The following MEIOC variants were observed in gnomAD, a reference collection of about 807,000 sequenced individuals.
MEIOC encodes the protein meiosis-specific coiled-coil domain-containing protein MEIOC.
Under a neutral mutation model 85.3 loss-of-function variants are expected in MEIOC, and 9 were observed. The observed-to-expected ratio is 0.11, with a 90% CI of 0.06 to 0.18. The LOEUF (loss-of-function observed/expected upper bound fraction) is 0.18, where lower values mean the gene tolerates loss of function less well. Ranked by LOEUF, MEIOC falls within the 10% of genes least tolerant of loss-of-function variation. The pLI, the probability that MEIOC is intolerant of heterozygous loss-of-function variation, is 1.00. For missense variants in MEIOC, 898 were observed against 1,129.4 expected, an observed-to-expected ratio of 0.80 and a Z score of 2.94; for synonymous variants, 365 against 393.7, an observed-to-expected ratio of 0.93 and a Z score of 0.86.
intron 3 of MEIOC, among the ~76,000 whole-genome samples, chr17:44,664,885 G>C (rs936713264): frequency 1.3e-5 from 2 of 152,176 alleles, no homozygotes; most frequent in African/African-American, 4.8e-5. Context: ...TGGTGTCTAG[G>C]ATGACCATAT....
At chr17:44,666,354 T>A (rs1177284108) in intron 4 of MEIOC, 22 bp from the exon 5 acceptor site, 6 of 1,503,400 alleles carry the variant, frequency 4.0e-6, no homozygotes, top group Admixed American at 2.5e-5. Context: ...AAGTTGTAAT[T>A]AAATATATTT....
intron 6 of MEIOC, chr17:44,670,774 AGCAATCC>A (rs747605132): frequency 0.37 from 55,887 of 151,290 alleles, 12,743 homozygotes; most frequent in East Asian, 0.56. Flanking sequence ...CCTGAGCTCA[AGCAATCC>A]ACCTGCCTCA....
intron 1 of MEIOC, 98 bp from the exon 2 acceptor site, chr17:44,657,029 G>T: frequency 1.4e-6 from 2 of 1,383,122 alleles, no homozygotes; most frequent in South Asian, 1.4e-5. Flanking sequence ...GTTCGGAATT[G>T]AGCCGAACAG....
intron 6 of MEIOC, among the ~76,000 whole-genome samples, chr17:44,672,047 C>T (rs1438572895): frequency 6.6e-6 from 1 of 152,098 alleles, no homozygotes; most frequent in African/African-American, 2.4e-5. Flanking sequence ...CTGACAAGAT[C>T]TTGGCTCACT....
Position 44,667,918 on chromosome 17 carries a change from T to C in MEIOC, c.2007T>C (p.Tyr669=), listed in dbSNP as rs1971933780. ...AAGTGTCATGCTTTTCTAATAATTA[T>C]ATGATGGGAGATTTAAGGCATAATC... ...RTQVSCFSNN[Y]MMGDLRHNQC... Residue 669 remains tyrosine, a synonymous_variant, in exon 5 of 8, where the codon TAT becomes TAC. Transcript: ENST00000409122. 5 of 1,613,760 alleles carry C rather than the reference T, an allele frequency of 3.1e-6. No individual in the cohort carries two copies. Among genetic ancestry groups the C allele is most frequent in the South Asian group, 2.2e-5 (2 of 91,054 alleles).
At chr17:44,677,010 G>A (rs1387800229), downstream of MEIOC, 31 of 932,818 alleles carry the variant, frequency 3.3e-5, no homozygotes, top group Non-Finnish European at 3.6e-5. Flanking sequence ...AGAAAGAACT[G>A]ACTACTAACA....
chr17:44,674,300 T>C lies in MEIOC; in HGVS notation c.*104T>C, dbSNP rs1273669974. On this transcript the variant is annotated 3_prime_UTR_variant, in exon 8 of 8. Coordinates refer to ENST00000409122, the MANE Select transcript of MEIOC (RefSeq NM_001145080.3). ...AACTTTCAGTATGTTTTCTTTCAGA[T>C]TTAAAGTTAATACCAGTACCTTAAT... 1 of 1,445,450 alleles carries C rather than the reference T, an allele frequency of 6.9e-7. No homozygotes were observed. The highest frequency in any genetic ancestry group is 1.4e-5 in the African/African-American group (1 of 70,016). 89.5% of individuals were successfully genotyped at this position (1,445,450 alleles called of 1,614,324 possible). A position where few individuals can be genotyped will look rare whatever the true frequency, so the allele number is the denominator to read the frequency against.
At chr17:44,663,483 C>A (rs1357286607) in intron 3 of MEIOC, among the ~76,000 whole-genome samples, 2 of 152,044 alleles carry the variant, frequency 1.3e-5, no homozygotes, top group Non-Finnish European at 2.9e-5. Context: ...TTGGCAAATT[C>A]TCTAAAATAA....
chr17:44,660,722 A>G lies in MEIOC; in HGVS notation c.205-1595A>G, dbSNP rs546412989. Among the ~76,000 whole-genome samples the G allele has an allele frequency of 2.0e-5, 3 of 152,058 alleles. No individual in the cohort carries two copies. The East Asian group carries it at 5.8e-4, about 29-fold the overall frequency. ...GAATAAACAATGTATAAATTAGCTT[A>G]ATCTTTTTTTGTTTGTTAAATTCAC... On this transcript the variant is annotated intron_variant, in intron 2 of 7. Coordinates refer to ENST00000409122, the MANE Select transcript of MEIOC (RefSeq NM_001145080.3).
rs1323299340 is a variant in MEIOC at position 44,659,735 on chromosome 17, T to G, written c.204+2474T>G. 3.3e-5 allele frequency among the ~76,000 whole-genome samples: 5 copies of G among 152,230 alleles called. No individual in the cohort carries two copies. The East Asian group carries it at 9.6e-4, about 29-fold the overall frequency. ...TGTTTAAGCAACTATTTCAAAAAGA[T>G]GAACAATTATTTATGTCACTTTGGA... is the stretch of plus-strand genomic sequence containing the variant. On this transcript the variant is annotated intron_variant, in intron 2 of 7. Transcript: ENST00000409122.
chr17:44,673,295 C>A, intron 6 of MEIOC, 71 bp from the exon 7 acceptor site: 1 of 1,106,812 alleles, frequency 9.0e-7, no homozygotes, highest in Non-Finnish European at 1.3e-6. Context: ...TATTCTGCTT[C>A]ACTGAAGATT....
chr17:44,665,871 A>G (rs149580365), intron 4 of MEIOC, among the ~76,000 whole-genome samples: 90 of 152,318 alleles, frequency 5.9e-4, no homozygotes, highest in African/African-American at 2.0e-3. Context: ...AAAATTTTGT[A>G]ATGTTTCAAT....
Position 44,673,986 on chromosome 17 carries a change from C to T in MEIOC, c.2649C>T (p.Ala883=). Residue 883 remains alanine, a synonymous_variant, in exon 8 of 8, where the codon GCC becomes GCT. Transcript: ENST00000409122. The part of the protein sequence containing the change: ...PRCQDDRDVF[A]LASAIKEMCV... ...ATGTTTATTTTACAGATGTTTTTGC[C>T]CTTGCTTCTGCAATTAAAGAGATGT... 6.4e-7 allele frequency: 1 copy of T among 1,550,878 alleles called. No homozygotes were observed.
intron 2 of MEIOC, 49 bp from the exon 3 acceptor site, chr17:44,662,268 A>C: frequency 7.2e-7 from 1 of 1,379,394 alleles, no homozygotes. Context: ...CATATTCTAC[A>C]ACAAATGAAG....
At chr17:44,665,347 A>G in intron 3 of MEIOC, 37 bp from the exon 4 acceptor site, 2 of 1,343,450 alleles carry the variant, frequency 1.5e-6, no homozygotes, top group African/African-American at 1.5e-5. Flanking sequence ...AGAGTAATCA[A>G]TATATTGTAT....
At chr17:44,673,944 A>G (rs1402919670) in intron 7 of MEIOC, 32 bp from the exon 8 acceptor site, 3 of 1,538,200 alleles carry the variant, frequency 2.0e-6, no homozygotes, top group Non-Finnish European at 2.6e-6. Context: ...ATGGCATTTA[A>G]TATGAAATGA....
At chr17:44,671,910 G>A (rs200718225) in intron 6 of MEIOC, among the ~76,000 whole-genome samples, 125 of 147,136 alleles carry the variant, frequency 8.5e-4, no homozygotes, top group African/African-American at 8.3e-4. Context: ...CGTCTCAAAA[G>A]AAAAAAAAAA....
In MEIOC at chr17:44,667,805, A is replaced by G; in HGVS notation, c.1894A>G (p.Asn632Asp). The change falls in exon 5 of 8, where the codon AAT becomes GAT. Residue 632 changes from asparagine to aspartate, a missense_variant. Transcript: ENST00000409122. ...GPKHLDGLSQ[N>D]TYQDLLESQG... ...AAAGCATTTAGATGGCTTATCACAA[A>G]ATACATACCAAGATCTACTGGAGTC... 6.2e-7 allele frequency: 1 copy of G among 1,613,966 alleles called. No homozygotes were observed. Among genetic ancestry groups the G allele is most frequent in the South Asian group, 1.1e-5 (1 of 91,070 alleles).
Position 44,667,512 on chromosome 17 carries a change from A to G in MEIOC, c.1601A>G (p.Lys534Arg), listed in dbSNP as rs749424821. 25 of 1,613,834 alleles carry G rather than the reference A, an allele frequency of 1.5e-5. 2 individuals carry two copies. The highest frequency in any genetic ancestry group is 8.9e-5 in the East Asian group (4 of 44,886). The change falls in exon 5 of 8, where the codon AAA becomes AGA. Residue 534 changes from lysine to arginine, a missense_variant. By Grantham distance (26) the Lys-to-Arg change is conservative (BLOSUM62 2). Coordinates refer to ENST00000409122, the MANE Select transcript of MEIOC (RefSeq NM_001145080.3). ...ACCCCAAATAGCAATTTATTTCAGA[A>G]ATATTGCCAAGAAAACCCTTCAGCA... Reference protein sequence around the residue: ...NLTPNSNLFQKYCQENPSAFS... With the variant: ...NLTPNSNLFQRYCQENPSAFS...
Sources: allele counts gnomAD v4.1 joint callset (sites outside exome capture counted in the v4.1 genomes callset), GRCh38; gene constraint gnomAD v4.1.1; transcripts MANE v1.5; gene names NCBI Gene and HGNC (gene_info 2026-07-23, HGNC 2026-07-21).